The following MRPS28 variants were observed in gnomAD, a reference collection of about 807,000 sequenced individuals.
MRPS28 encodes mitochondrial ribosomal protein S28.
Under a neutral mutation model 10.8 loss-of-function variants are expected in MRPS28, and 7 were observed. That is an observed-to-expected ratio of 0.65 (90% CI 0.37 to 1.22). The LOEUF (loss-of-function observed/expected upper bound fraction) is 1.22. Ranked by LOEUF, MRPS28 falls within the 50% of genes most tolerant of loss-of-function variation. The pLI, the probability that MRPS28 is intolerant of heterozygous loss-of-function variation, is 0.02. For synonymous variants in MRPS28, 121 were observed against 93.3 expected (o/e 1.30, Z -1.71); for missense variants, 265 against 232.9 (o/e 1.14, Z -0.90).
At chr8:79,940,993 A>G (rs1178151517) in intron 2 of MRPS28, among the ~76,000 whole-genome samples, 1 of 152,180 alleles carries the variant, frequency 6.6e-6, no homozygotes, top group African/African-American at 2.4e-5. Context: ...CCTTTTTCTC[A>G]CCAATAGACA....
chr8:79,981,883 A>C (rs968364514), intron 2 of MRPS28, among the ~76,000 whole-genome samples: 5 of 152,240 alleles, frequency 3.3e-5, no homozygotes, highest in Admixed American at 2.0e-4. Flanking sequence ...TAAGGATTTA[A>C]TTATACCTAT....
At chr8:79,957,030 A>C (rs931041244) in intron 2 of MRPS28, 1 of 152,200 alleles carries the variant, frequency 6.6e-6, no homozygotes, top group African/African-American at 2.4e-5. Flanking sequence ...TTCTGAGCTC[A>C]GGAGTCACCT....
At chr8:80,025,961 T>C (rs1043520449) in intron 1 of MRPS28, among the ~76,000 whole-genome samples, 56 of 152,306 alleles carry the variant, frequency 3.7e-4, no homozygotes, top group African/African-American at 1.3e-3. Context: ...ACGTGTGTAA[T>C]ATAAAACTCT....
chr8:79,974,341 C>A (rs997676189), intron 2 of MRPS28, among the ~76,000 whole-genome samples: 3 of 152,000 alleles, frequency 2.0e-5, no homozygotes, highest in Non-Finnish European at 4.4e-5. Flanking sequence ...GAGATCAAGA[C>A]CATCCTGGCT....
intron 2 of MRPS28, among the ~76,000 whole-genome samples, chr8:79,955,830 G>A (rs1363567603): frequency 6.6e-6 from 1 of 152,188 alleles, no homozygotes; most frequent in Non-Finnish European, 1.5e-5. Flanking sequence ...GACATTCTAT[G>A]AGTAAGAATG....
intron 2 of MRPS28, among the ~76,000 whole-genome samples, chr8:79,962,903 T>C (rs73251953): frequency 0.046 from 6,980 of 152,198 alleles, 535 homozygotes; most frequent in African/African-American, 0.16. Context: ...CTAGGAAGGA[T>C]AGGCCTTATT....
At chr8:79,977,754 T>C (rs1807842366) in intron 2 of MRPS28, among the ~76,000 whole-genome samples, 1 of 151,652 alleles carries the variant, frequency 6.6e-6, no homozygotes, top group Non-Finnish European at 1.5e-5. Flanking sequence ...GAGGCGGAGG[T>C]TGTGGTGAGC....
At chr8:79,965,524 C>T in intron 2 of MRPS28, among the ~76,000 whole-genome samples, 1 of 152,016 alleles carries the variant, frequency 6.6e-6, no homozygotes, top group Non-Finnish European at 1.5e-5. Flanking sequence ...TTATGATATG[C>T]TTAAGGTACG....
chr8:79,963,096 TATG>T (rs921339352), intron 2 of MRPS28, among the ~76,000 whole-genome samples: 6 of 152,086 alleles, frequency 3.9e-5, no homozygotes, highest in Admixed American at 3.9e-4. Flanking sequence ...AATGACTTAG[TATG>T]ATGATGTGAT....
intron 1 of MRPS28, among the ~76,000 whole-genome samples, chr8:80,027,935 C>T (rs1809532200): frequency 6.6e-6 from 1 of 152,088 alleles, no homozygotes; most frequent in African/African-American, 2.4e-5. Context: ...CTGAGCTGGA[C>T]TGAGAAAATC....
At chr8:79,931,957 C>G (rs961680708) in intron 2 of MRPS28, among the ~76,000 whole-genome samples, 1 of 152,220 alleles carries the variant, frequency 6.6e-6, no homozygotes, top group African/African-American at 2.4e-5. Flanking sequence ...GAGGGCCTTT[C>G]TGTTGACAGC....
At chr8:79,926,150 C>A (rs61606155) in intron 2 of MRPS28, among the ~76,000 whole-genome samples, 3,022 of 151,558 alleles carry the variant, frequency 0.02, 110 homozygotes, top group African/African-American at 0.067. Flanking sequence ...GGAAAAAAAA[C>A]CAAAGAAACA....
chr8:80,001,697 C>T (rs1808663974), intron 2 of MRPS28, among the ~76,000 whole-genome samples: 1 of 152,178 alleles, frequency 6.6e-6, no homozygotes, highest in Non-Finnish European at 1.5e-5. Flanking sequence ...ATTTGATACA[C>T]CAATTCAAGT....
At chr8:79,953,579 G>C (rs1449685133) in intron 2 of MRPS28, among the ~76,000 whole-genome samples, 1 of 152,110 alleles carries the variant, frequency 6.6e-6, no homozygotes, top group African/African-American at 2.4e-5. Flanking sequence ...GTGGATTTTA[G>C]AGTTGAATAT....
chr8:79,930,250 T>C (rs1193554048), intron 2 of MRPS28, among the ~76,000 whole-genome samples: 1 of 152,218 alleles, frequency 6.6e-6, no homozygotes, highest in African/African-American at 2.4e-5. Context: ...GGTATTTTAG[T>C]ATATTAATCA....
chr8:79,940,920 A>G (rs796719973), intron 2 of MRPS28, among the ~76,000 whole-genome samples: 3 of 152,322 alleles, frequency 2.0e-5, no homozygotes, highest in African/African-American at 7.2e-5. Flanking sequence ...TTATTTCATT[A>G]TTTTTTGGAC....
chr8:79,920,319 C>T lies in MRPS28; in HGVS notation c.396-1171G>A, dbSNP rs1317017960. The stretch of plus-strand genomic sequence containing the variant: ...GGGTATATACCCAGTAATGAGATGG[C>T]TGGGTCAAATGGTATTTCTAGTTCT... On this transcript the variant is annotated intron_variant, in intron 2 of 2. Coordinates refer to ENST00000276585, the MANE Select transcript of MRPS28 (RefSeq NM_014018.3). Among the ~76,000 whole-genome samples, 3 of 152,282 alleles carry T rather than the reference C, an allele frequency of 2.0e-5. No homozygotes were observed. In the East Asian group the frequency reaches 5.8e-4, roughly 29 times the overall value.
chr8:79,919,126 C>A lies in MRPS28; in HGVS notation c.418G>T (p.Val140Phe), dbSNP rs1448592357. 16 of 1,587,714 alleles carry A rather than the reference C, an allele frequency of 1.0e-5. No individual in the cohort carries two copies. Among genetic ancestry groups the A allele is most frequent in the Non-Finnish European group, 1.4e-5 (16 of 1,171,564 alleles). Residue 140 changes from valine (V) to phenylalanine (F), a missense_variant, in exon 3 of 3, where the codon GTC becomes TTC. Physicochemically the swap from Val to Phe is conservative, Grantham distance 50 (BLOSUM62 -1). Transcript: ENST00000276585. ...DGEKYQKGTR[V>F]RLRLLDLELT... ...TCAAGATCTAATAGCCGCAACCGGA[C>A]CCTGGTTCCTTTCTGGTATTTCCTA...
chr8:80,012,127 C>CATT (rs34366408), intron 1 of MRPS28, among the ~76,000 whole-genome samples: 118,461 of 151,806 alleles, frequency 0.78, 46,977 homozygotes, highest in African/African-American at 0.93. Flanking sequence ...ATTTCTCCTC[C>CATT]ATTTTTTGCC....
Sources: allele counts gnomAD v4.1 joint callset (sites outside exome capture counted in the v4.1 genomes callset), GRCh38; gene constraint gnomAD v4.1.1; transcripts MANE v1.5; gene names NCBI Gene and HGNC (gene_info 2026-07-23, HGNC 2026-07-21).